The following LEKR1 variants were observed in gnomAD, a reference collection of about 807,000 sequenced individuals.
LEKR1 encodes the protein leucine, glutamate and lysine rich 1.
Under a neutral mutation model 72.4 loss-of-function variants are expected in LEKR1, and 59 were observed. The ratio of observed to expected loss-of-function variants is 0.82; its 90% CI spans 0.66 to 1.01. The LOEUF (loss-of-function observed/expected upper bound fraction) is 1.01. LEKR1 is among the 50% of genes least tolerant of loss of function. LEKR1 has a pLI of 0.00. For synonymous variants in LEKR1, 257 were observed against 263.2 expected (o/e 0.98, Z 0.23); for missense variants, 728 against 759.2 (o/e 0.96, Z 0.48).
chr3:156,988,904 T>A (rs1730924502), intron 7 of LEKR1, among the ~76,000 whole-genome samples: 1 of 152,204 alleles, frequency 6.6e-6, no homozygotes, highest in Non-Finnish European at 1.5e-5. Flanking sequence ...CGATCTCGGC[T>A]CATTGCAACC....
At chr3:156,878,999 T>C (rs2108550732) in intron 3 of LEKR1, among the ~76,000 whole-genome samples, 1 of 152,296 alleles carries the variant, frequency 6.6e-6, no homozygotes, top group South Asian at 2.1e-4. Context: ...TTATACAGTC[T>C]CGGGTATGTC....
At chr3:156,993,309 T>TAAAATG in intron 9 of LEKR1, 32 bp downstream of exon 9, 3 of 1,429,486 alleles carry the variant, frequency 2.1e-6, no homozygotes, top group Non-Finnish European at 2.9e-6. Flanking sequence ...TACAAAAACA[T>TAAAATG]TTTATGTTTA....
intron 3 of LEKR1, among the ~76,000 whole-genome samples, chr3:156,887,313 C>CACA (rs1720207662): frequency 6.6e-6 from 1 of 151,472 alleles, no homozygotes; most frequent in African/African-American, 2.4e-5. Context: ...TCTTGGTGGG[C>CACA]CCTTGAGGTG....
At chr3:157,000,526 T>G (rs1328019436) in intron 9 of LEKR1, among the ~76,000 whole-genome samples, 1 of 152,220 alleles carries the variant, frequency 6.6e-6, no homozygotes, top group Non-Finnish European at 1.5e-5. Context: ...AACGTGGGCA[T>G]TTTAATAATA....
At chr3:157,039,776 G>A (rs1181107720) in intron 12 of LEKR1, among the ~76,000 whole-genome samples, 1 of 152,196 alleles carries the variant, frequency 6.6e-6, no homozygotes, top group African/African-American at 2.4e-5. Flanking sequence ...TATTACATTT[G>A]CATGTTTAAT....
rs115800072 is a variant in LEKR1, at chr3:157,032,857, G to A, written c.1668+4455G>A. 4.0e-3 allele frequency among the ~76,000 whole-genome samples: 603 copies of A among 152,084 alleles called. 2 individuals carry two copies. Among genetic ancestry groups the A allele is most frequent in the African/African-American group, 0.013 (541 of 41,474 alleles). ...GAAGGTTTGTGGCAACCCCTATGTC[G>A]AGAAAGTCTCTCAGTGTCATTTTTT... On this transcript the variant is annotated intron_variant, in intron 12 of 12. Transcript: ENST00000356539.
chr3:156,998,899 C>A (rs185391133), intron 9 of LEKR1, among the ~76,000 whole-genome samples: 119 of 152,188 alleles, frequency 7.8e-4, no homozygotes, highest in Non-Finnish European at 2.5e-4. Flanking sequence ...GTGTCCCCAC[C>A]CAAATTTCAT....
intron 7 of LEKR1, among the ~76,000 whole-genome samples, chr3:156,981,719 A>G (rs548330414): frequency 1.2e-3 from 177 of 152,362 alleles, no homozygotes; most frequent in African/African-American, 3.9e-3. Flanking sequence ...CAGGTTGCTC[A>G]GAGGTCAGGA....
chr3:157,037,393 G>A (rs1310786700), intron 12 of LEKR1, among the ~76,000 whole-genome samples: 1 of 152,108 alleles, frequency 6.6e-6, no homozygotes, highest in Non-Finnish European at 1.5e-5. Context: ...GGACCTAGTA[G>A]AGAAGGTGGC....
rs558346316 is a variant in LEKR1 at position 157,007,899 on chromosome 3, C to G, written c.1110-3514C>G. ...CAGGTGGAGAGTTGGATACATGAAT[C>G]AGATACTCAGGAACAGATCTGAACT... On this transcript the variant is annotated intron_variant, in intron 9 of 12. Transcript: ENST00000356539. Among the ~76,000 whole-genome samples the G allele has an allele frequency of 1.6e-3, 245 of 152,268 alleles. 3 individuals are homozygous for G. Among genetic ancestry groups the G allele is most frequent in the African/African-American group, 5.7e-3 (235 of 41,560 alleles).
At chr3:156,876,369 A>T (rs1576716049) in intron 3 of LEKR1, among the ~76,000 whole-genome samples, 1 of 152,076 alleles carries the variant, frequency 6.6e-6, no homozygotes, top group African/African-American at 2.4e-5. Context: ...TCTGTGAAGG[A>T]TGATGATGGT....
intron 12 of LEKR1, among the ~76,000 whole-genome samples, chr3:157,041,343 G>A (rs2874531): frequency 0.015 from 2,224 of 152,096 alleles, 67 homozygotes; most frequent in African/African-American, 0.051. Context: ...TCAACTTCAG[G>A]CTGTTTTCCA....
chr3:156,864,507 T>C (rs753475747), intron 3 of LEKR1, among the ~76,000 whole-genome samples: 6 of 152,076 alleles, frequency 3.9e-5, no homozygotes, highest in African/African-American at 1.4e-4. Context: ...AACTGAGGCA[T>C]CTTCCAGATA....
intron 2 of LEKR1, among the ~76,000 whole-genome samples, chr3:156,833,415 T>C (rs1712694059): frequency 6.6e-6 from 1 of 152,208 alleles, no homozygotes; most frequent in Non-Finnish European, 1.5e-5. Context: ...TAAACAGCTA[T>C]GGTTTAAGAC....
rs189534025 is a variant in LEKR1, at chr3:156,989,217, A to G, written c.828-3436A>G. Among the ~76,000 whole-genome samples the G allele has an allele frequency of 1.3e-3, 197 of 152,350 alleles. 2 individuals are homozygous for G. Among genetic ancestry groups the G allele is most frequent in the Middle Eastern group, 3.4e-3 (1 of 294 alleles). On this transcript the variant is annotated intron_variant, in intron 7 of 12. Coordinates refer to ENST00000356539, the MANE Select transcript of LEKR1 (RefSeq NM_001004316.3). ...TTACTTTATACATTTATGGAAAATT[A>G]TTAAATGGCTACATAATATTCCAAT...
chr3:156,934,884 T>C (rs1009125993), intron 5 of LEKR1, among the ~76,000 whole-genome samples: 5 of 152,134 alleles, frequency 3.3e-5, no homozygotes, highest in African/African-American at 7.2e-5. Flanking sequence ...TGACAGTATT[T>C]TATTATAGGT....
chr3:156,969,343 T>C (rs1020298599), intron 6 of LEKR1, among the ~76,000 whole-genome samples: 2 of 152,116 alleles, frequency 1.3e-5, no homozygotes, highest in Non-Finnish European at 2.9e-5. Context: ...GCTGGTTTTT[T>C]GAAAAGATCA....
chr3:156,981,749 G>A (rs1446656640), intron 7 of LEKR1, among the ~76,000 whole-genome samples: 2 of 152,244 alleles, frequency 1.3e-5, no homozygotes, highest in East Asian at 1.9e-4. Flanking sequence ...AGAGTCAAAT[G>A]TGTGGCTTCG....
At chr3:156,954,516 T>C (rs1185474644) in intron 6 of LEKR1, among the ~76,000 whole-genome samples, 1 of 152,088 alleles carries the variant, frequency 6.6e-6, no homozygotes, top group East Asian at 1.9e-4. Flanking sequence ...CTTTAATCCA[T>C]CTTGAGTTGA....
Sources: gnomAD v4.1 joint callset for allele counts (sites outside exome capture counted in the v4.1 genomes callset) on GRCh38, gnomAD v4.1.1 for gene constraint, MANE v1.5 for transcripts, NCBI Gene and HGNC (gene_info 2026-07-23, HGNC 2026-07-21) for gene names.